FAM200A: variants seen among roughly 807,000 people sequenced by gnomAD.
The protein encoded by FAM200A is ZBED8 like, also known as protein FAM200A.
FAM200A carries 26 observed loss-of-function variants against 44.2 expected under a neutral mutation model. The observed-to-expected ratio is 0.59, with a 90% CI of 0.43 to 0.82. FAM200A has a LOEUF of 0.82. Ranked by LOEUF, FAM200A falls within the 40% of genes least tolerant of loss-of-function variation. The pLI is 0.00. For synonymous variants in FAM200A, 206 were observed against 244.4 expected, an observed-to-expected ratio of 0.84 and a Z score of 1.47; for missense variants, 606 against 669.5, an observed-to-expected ratio of 0.91 and a Z score of 1.05.
At chr7:99,557,330 T>C (rs564648752) in intron 1 of FAM200A, among the ~76,000 whole-genome samples, 9 of 152,284 alleles carry the variant, frequency 5.9e-5, no homozygotes, top group Non-Finnish European at 1.0e-4. Flanking sequence ...TCCCATCACA[T>C]TGCTAATAGG....
At chr7:99,554,973 T>C (rs755357757), upstream of FAM200A, among the ~76,000 whole-genome samples, 2 of 152,228 alleles carry the variant, frequency 1.3e-5, no homozygotes, top group Non-Finnish European at 2.9e-5. Flanking sequence ...TTTTTTGCCT[T>C]AGAAGGCATG....
chr7:99,552,631 G>A (rs1802562440), upstream of FAM200A, among the ~76,000 whole-genome samples: 1 of 152,128 alleles, frequency 6.6e-6, no homozygotes, highest in Admixed American at 6.5e-5. Context: ...GAAATAAGTT[G>A]AATTTGAGGC....
upstream of FAM200A, among the ~76,000 whole-genome samples, chr7:99,556,500 AT>A (rs1802679901): frequency 6.6e-6 from 1 of 151,966 alleles, no homozygotes; most frequent in African/African-American, 2.4e-5. Flanking sequence ...ATCTAGATCT[AT>A]TTCTGGACTT....
upstream of FAM200A, among the ~76,000 whole-genome samples, chr7:99,554,289 A>G (rs757186759): frequency 4.0e-5 from 6 of 151,878 alleles, no homozygotes; most frequent in Non-Finnish European, 8.8e-5. Context: ...GACCAGCCTG[A>G]GCAACATGGT....
rs1802424501 is a variant in FAM200A at position 99,547,772 on chromosome 7, A to G, written c.636T>C (p.Asp212=). The G allele has an allele frequency of 6.4e-7, 1 of 1,551,558 alleles. No homozygotes were observed. ...GTTTTCCGGTCATATTTGCTGTTCC[A>G]TCACTTGAAATTCCTTTACAATGTT... ...NWKHCKGISS[D]GTANMTGKHS... Residue 212 remains aspartate (D), a synonymous_variant, in exon 2 of 2, where the codon GAT becomes GAC. Transcript: ENST00000449309.
chr7:99,546,709 T>C lies in FAM200A; in HGVS notation c.1699A>G (p.Arg567Gly). The C allele has an allele frequency of 6.5e-6, 10 of 1,532,942 alleles. No individual in the cohort carries two copies. The highest frequency in any genetic ancestry group is 4.3e-5 in the Admixed American group (2 of 46,100). 95.0% of individuals were successfully genotyped at this position (1,532,942 alleles called of 1,614,324 possible). The change falls in exon 2 of 2, where the codon AGA (arginine) becomes GGA (glycine). Residue 567 changes from arginine (R) to glycine (G), a missense_variant. Coordinates refer to ENST00000449309, the MANE Select transcript of FAM200A (RefSeq NM_145111.4). ...CVPDWKELMN[R>G]QAHPSH ...ATTTAATGTGATGGGTGTGCTTGTC[T>C]GTTCATAAGTTCCTTCCAGTCAGGA...
upstream of FAM200A, among the ~76,000 whole-genome samples, chr7:99,553,032 T>TATATATATATACACACAC (rs1562926999): frequency 5.3e-4 from 69 of 131,126 alleles, no homozygotes; most frequent in East Asian, 4.7e-3. Flanking sequence ...TATATACATG[T>TATATATATATACACACAC]ATATATATAT....
chr7:99,548,474 G>A lies in FAM200A; in HGVS notation c.-67C>T. 1 of 1,545,730 alleles carries A rather than the reference G, an allele frequency of 6.5e-7. No individual in the cohort carries two copies. Among genetic ancestry groups the A allele is most frequent in the South Asian group, 1.3e-5 (1 of 77,944 alleles). ...TCTGTTTTGCAGGGCTGTCCTTTGTGACCTAGGTTTTATGAGATCAGGTTT... is the reference window on the plus strand; with the variant it reads ...TCTGTTTTGCAGGGCTGTCCTTTGTAACCTAGGTTTTATGAGATCAGGTTT... On this transcript the variant is annotated 5_prime_UTR_variant, in exon 2 of 2. Transcript: ENST00000449309.
At position 99,547,203 on chromosome 7, in the gene FAM200A, A is replaced by C; in HGVS notation, c.1205T>G (p.Leu402Ter). 1.3e-6 allele frequency: 2 copies of C among 1,549,526 alleles called. No homozygotes were observed. The highest frequency in any genetic ancestry group is 1.7e-6 in the Non-Finnish European group (2 of 1,146,484). ...NRPSYYMFPTLLQHIEENIIN... is the reference protein window; with the variant it reads ...NRPSYYMFPT ...AATGTTCTCTTCGATGTGTTGCAAT[A>C]ATGTTGGAAACATATAGTAGCTAGG... is the stretch of plus-strand genomic sequence containing the variant. Residue 402 changes from leucine (L) to a stop codon, truncating the protein, a stop_gained, in exon 2 of 2, where the codon TTA (leucine) becomes TGA (stop). Coordinates refer to ENST00000449309, the MANE Select transcript of FAM200A (RefSeq NM_145111.4). LOFTEE classifies it high-confidence loss of function.
intron 1 of FAM200A, among the ~76,000 whole-genome samples, chr7:99,549,190 T>TCGGGGTC (rs1249613367): frequency 2.2e-5 from 3 of 139,110 alleles, no homozygotes; most frequent in South Asian, 2.8e-4. Context: ...AAATAAGAAA[T>TCGGGGTC]TAAGCTGCAT....
At chr7:99,553,248 G>C (rs1465111526), upstream of FAM200A, among the ~76,000 whole-genome samples, 1 of 150,752 alleles carries the variant, frequency 6.6e-6, no homozygotes, top group East Asian at 2.0e-4. Context: ...TTCCTTCCAG[G>C]GTTCCAAGTC....
intron 1 of FAM200A, among the ~76,000 whole-genome samples, chr7:99,550,116 C>A (rs1802494224): frequency 6.6e-6 from 1 of 151,804 alleles, no homozygotes; most frequent in South Asian, 2.1e-4. Context: ...ATGAACCCCC[C>A]CCTTTTTTTT....
chr7:99,553,096 TATA>T (rs1300338714), upstream of FAM200A, among the ~76,000 whole-genome samples: 96 of 79,106 alleles, frequency 1.2e-3, no homozygotes, highest in African/African-American at 7.3e-3. Context: ...TATATATATA[TATA>T]TTTTTTTTTT....
chr7:99,557,128 G>A (rs527795990), intron 1 of FAM200A, among the ~76,000 whole-genome samples: 3 of 152,156 alleles, frequency 2.0e-5, no homozygotes, highest in Non-Finnish European at 4.4e-5. Context: ...AGAAAATTTT[G>A]CTCAAAAGCA....
chr7:99,552,972 C>CAT (rs1328337099), upstream of FAM200A, among the ~76,000 whole-genome samples: 31 of 143,526 alleles, frequency 2.2e-4, no homozygotes, highest in South Asian at 4.4e-4. Flanking sequence ...ATCTTTGCTC[C>CAT]ATATATATAT....
At chr7:99,551,078 C>A (rs1056666310) in intron 1 of FAM200A, among the ~76,000 whole-genome samples, 8 of 151,854 alleles carry the variant, frequency 5.3e-5, no homozygotes, top group South Asian at 2.1e-4. Context: ...AACAAAAAAA[C>A]CAACCAAAGA....
At chr7:99,553,076 T>TATATATATATATACACAC, upstream of FAM200A, among the ~76,000 whole-genome samples, 1 of 84,602 alleles carries the variant, frequency 1.2e-5, no homozygotes, top group African/African-American at 6.8e-5. Context: ...CACACATATA[T>TATATATATATATACACAC]ATATATATAT....
rs766679350 is a variant in FAM200A at position 99,546,988 on chromosome 7, C to T, written c.1420G>A (p.Glu474Lys). The T allele has an allele frequency of 4.5e-6, 7 of 1,550,218 alleles. No individual in the cohort carries two copies. Among genetic ancestry groups the T allele is most frequent in the Non-Finnish European group, 6.1e-6 (7 of 1,146,774 alleles). The change falls in exon 2 of 2, where the codon GAG becomes AAG. Residue 474 changes from glutamate to lysine, a missense_variant. Coordinates refer to ENST00000449309, the MANE Select transcript of FAM200A (RefSeq NM_145111.4). ...IIELNLEPEE[E>K]NELLQLSSSF... Reference sequence around the variant, plus strand: ...GAACTGAGCTGCAATAATTCATTCTCTTCTTCAGGCTCCAAGTTTAACTCA... The same window carrying T: ...GAACTGAGCTGCAATAATTCATTCTTTTCTTCAGGCTCCAAGTTTAACTCA...
At chr7:99,555,003 G>A (rs993474395), upstream of FAM200A, among the ~76,000 whole-genome samples, 3 of 152,166 alleles carry the variant, frequency 2.0e-5, no homozygotes, top group African/African-American at 7.2e-5. Context: ...CAGAATCTTA[G>A]GTATTTGTGC....
Sources: gnomAD v4.1 joint callset for allele counts (sites outside exome capture counted in the v4.1 genomes callset) on GRCh38, gnomAD v4.1.1 for gene constraint, MANE v1.5 for transcripts, NCBI Gene and HGNC (gene_info 2026-07-23, HGNC 2026-07-21) for gene names.